The following APBB1IP variants were observed in gnomAD, a reference collection of about 807,000 sequenced individuals.
APBB1IP encodes the protein amyloid beta precursor protein binding family B member 1 interacting protein.
A neutral mutation model predicts 64.9 loss-of-function variants in APBB1IP; 27 were observed. The ratio of observed to expected loss-of-function variants is 0.42; its 90% confidence interval spans 0.31 to 0.57. The LOEUF is 0.57. APBB1IP is among the 20% of genes least tolerant of loss of function. The probability of loss-of-function intolerance (pLI) is 0.20; values close to 1 mark genes in which losing one functional copy is unlikely to be tolerated. For synonymous variants in APBB1IP, 392 were observed against 331.0 expected, an observed-to-expected ratio of 1.18 and a Z score of -2.00; for missense variants, 812 against 845.5, an observed-to-expected ratio of 0.96 and a Z score of 0.49.
At chr10:26,476,939 T>TA (rs1383925552) in intron 2 of APBB1IP, among the ~76,000 whole-genome samples, 30 of 152,294 alleles carry the variant, frequency 2.0e-4, no homozygotes, top group African/African-American at 6.7e-4. Flanking sequence ...TAGCTGGGAT[T>TA]ACAGGCGTAT....
Position 26,503,284 on chromosome 10 carries a change from G to A in APBB1IP, c.531+10G>A, listed in dbSNP as rs1266978532. On this transcript the variant is annotated intron_variant, in intron 6 of 14. Transcript: ENST00000376236. ...GGCCAAGGTTAAGAAGGTGAATCATGAATCCCTTTTGCATGGGGGCAGTTC... is the reference window on the plus strand; with the variant it reads ...GGCCAAGGTTAAGAAGGTGAATCATAAATCCCTTTTGCATGGGGGCAGTTC... 1.9e-6 allele frequency: 3 copies of A among 1,613,844 alleles called. No individual in the cohort carries two copies. Among genetic ancestry groups the A allele is most frequent in the Middle Eastern group, 1.7e-4 (1 of 6,056 alleles).
chr10:26,492,757 A>C (rs1324140481), intron 3 of APBB1IP, among the ~76,000 whole-genome samples: 2 of 152,198 alleles, frequency 1.3e-5, no homozygotes, highest in Admixed American at 1.3e-4. Flanking sequence ...AAGGGCAACA[A>C]AATATCACAA....
chr10:26,464,730 C>A (rs893625433), intron 2 of APBB1IP, among the ~76,000 whole-genome samples: 2 of 152,120 alleles, frequency 1.3e-5, no homozygotes, highest in African/African-American at 4.8e-5. Flanking sequence ...TATGAATTTT[C>A]CCAGCCCTGT....
At chr10:26,564,169 C>G (rs58995365) in intron 14 of APBB1IP, among the ~76,000 whole-genome samples, 43 of 150,818 alleles carry the variant, frequency 2.9e-4, no homozygotes, top group African/African-American at 1.0e-3. Context: ...TAAGAGGCCA[C>G]TAAGCAGAGA....
intron 2 of APBB1IP, among the ~76,000 whole-genome samples, chr10:26,487,895 TA>T (rs1409101406): frequency 6.6e-6 from 1 of 152,204 alleles, no homozygotes; most frequent in Non-Finnish European, 1.5e-5. Flanking sequence ...AAGCTTATTG[TA>T]ATGCTAGTTG....
chr10:26,515,037 A>AGT (rs1836307436), intron 8 of APBB1IP, among the ~76,000 whole-genome samples: 1 of 62,502 alleles, frequency 1.6e-5, no homozygotes, highest in African/African-American at 7.7e-5. Flanking sequence ...ACCCCCGGCT[A>AGT]ATTTTTTTTT....
At chr10:26,455,779 A>G (rs892593491) in intron 2 of APBB1IP, among the ~76,000 whole-genome samples, 6 of 152,136 alleles carry the variant, frequency 3.9e-5, no homozygotes, top group Non-Finnish European at 8.8e-5. Context: ...GAGTTACCAT[A>G]TGCCCCAGCA....
intron 6 of APBB1IP, among the ~76,000 whole-genome samples, chr10:26,508,273 C>G (rs752979656): frequency 6.6e-6 from 1 of 151,964 alleles, no homozygotes; most frequent in Non-Finnish European, 1.5e-5. Flanking sequence ...ATGTATACAG[C>G]TTGTGCTACA....
chr10:26,508,631 T>C (rs1836214424), intron 6 of APBB1IP, among the ~76,000 whole-genome samples: 1 of 152,038 alleles, frequency 6.6e-6, no homozygotes, highest in African/African-American at 2.4e-5. Flanking sequence ...ATAACTGTGA[T>C]TTAATGTTAT....
chr10:26,557,709 C>T (rs755838421), intron 11 of APBB1IP, among the ~76,000 whole-genome samples: 2 of 152,180 alleles, frequency 1.3e-5, no homozygotes, highest in East Asian at 3.9e-4. Context: ...TCTCGTCAAG[C>T]TCTTGGAGTC....
At chr10:26,488,700 T>A (rs1465003010) in intron 2 of APBB1IP, among the ~76,000 whole-genome samples, 1 of 152,242 alleles carries the variant, frequency 6.6e-6, no homozygotes, top group African/African-American at 2.4e-5. Context: ...AACACTTTTT[T>A]AATCCCAACA....
chr10:26,500,388 T>G (rs1381877878), intron 4 of APBB1IP, among the ~76,000 whole-genome samples: 1 of 152,160 alleles, frequency 6.6e-6, no homozygotes, highest in South Asian at 2.1e-4. Context: ...GCAGCAGTAC[T>G]CTCTTTGCCC....
chr10:26,496,207 T>C, intron 3 of APBB1IP, 97 bp from the exon 4 acceptor site: 1 of 884,290 alleles, frequency 1.1e-6, no homozygotes, highest in South Asian at 1.6e-5. Flanking sequence ...AGGGAGAAAA[T>C]GTGTAAATGA....
rs71521689 is a variant in APBB1IP, at chr10:26,536,222, G to GAAAAA, written c.1044+17_1044+21dup. 2 of 1,352,806 alleles carry GAAAAA rather than the reference G, an allele frequency of 1.5e-6. No homozygotes were observed. Among genetic ancestry groups the GAAAAA allele is most frequent in the Admixed American group, 3.0e-5 (1 of 33,682 alleles). The allele number at this position is 1,352,806 out of a possible 1,614,324, so 83.8% of individuals were successfully genotyped here. On this transcript the variant is annotated splice_donor_region_variant and intron_variant, in intron 10 of 14. Coordinates refer to ENST00000376236, the MANE Select transcript of APBB1IP (RefSeq NM_019043.4). ...GTACCCAAAGGAAAGACTAAGGTCA[G>GAAAAA]AAAAAAAAAAAAAAAAGCACTTAGC...
intron 8 of APBB1IP, among the ~76,000 whole-genome samples, chr10:26,528,445 T>C (rs910553952): frequency 1.3e-5 from 2 of 152,212 alleles, no homozygotes; most frequent in African/African-American, 4.8e-5. Flanking sequence ...GTTCAAACTT[T>C]GACCCCCTCT....
chr10:26,554,879 G>A (rs1021874373), intron 11 of APBB1IP, among the ~76,000 whole-genome samples: 11 of 151,958 alleles, frequency 7.2e-5, no homozygotes, highest in African/African-American at 1.9e-4. Flanking sequence ...GACCACACCC[G>A]GCTTACACCA....
intron 2 of APBB1IP, among the ~76,000 whole-genome samples, chr10:26,467,312 T>C (rs1835660812): frequency 6.6e-6 from 1 of 152,200 alleles, no homozygotes; most frequent in Admixed American, 6.5e-5. Flanking sequence ...TGTATTTAGT[T>C]CTCATAATCC....
At chr10:26,538,031 A>G (rs1332421307) in intron 10 of APBB1IP, among the ~76,000 whole-genome samples, 1 of 152,114 alleles carries the variant, frequency 6.6e-6, no homozygotes, top group African/African-American at 2.4e-5. Flanking sequence ...TAACTAGTAT[A>G]TTAAAGAAAA....
chr10:26,464,349 C>T (rs1430339950), intron 2 of APBB1IP, among the ~76,000 whole-genome samples: 1 of 152,118 alleles, frequency 6.6e-6, no homozygotes, highest in African/African-American at 2.4e-5. Context: ...CCGCTATGTA[C>T]CAGTTGCTGT....
Sources: allele counts gnomAD v4.1 joint callset (sites outside exome capture counted in the v4.1 genomes callset), GRCh38; gene constraint gnomAD v4.1.1; transcripts MANE v1.5; gene names NCBI Gene and HGNC (gene_info 2026-07-23, HGNC 2026-07-21).